The following CCDC154 variants were observed in gnomAD, a reference collection of about 807,000 sequenced individuals.
The protein encoded by CCDC154 is coiled-coil domain containing 154.
CCDC154 carries 91 observed loss-of-function variants against 87.5 expected under a neutral mutation model. That is an observed-to-expected ratio of 1.04 (90% CI 0.88 to 1.24). The LOEUF (loss-of-function observed/expected upper bound fraction) is 1.24. CCDC154 is among the 50% of genes most tolerant of loss of function. CCDC154 has a pLI of 0.00. For missense variants in CCDC154, 903 were observed against 879.2 expected (o/e 1.03, Z -0.34); for synonymous variants, 418 against 400.4 (o/e 1.04, Z -0.52).
chr16:1,434,997 C>T, intron 15 of CCDC154, 92 bp downstream of exon 15: 1 of 1,439,190 alleles, frequency 6.9e-7, no homozygotes, highest in Non-Finnish European at 9.4e-7. Context: ...GACAGACAGA[C>T]ACTGGCGCCT....
In CCDC154 at chr16:1,434,415, T is replaced by G. The variant is rs537418182; in HGVS notation, c.1997A>C (p.Gln666Pro). The change falls in exon 17 of 17, where the codon CAG becomes CCG. Residue 666 changes from glutamine (Q) to proline (P), a missense_variant. Physicochemically the swap from Gln to Pro is moderately conservative, Grantham distance 76. Transcript: ENST00000389176. ...VQQLTPSLFI[Q>P]K The stretch of plus-strand genomic sequence containing the variant: ...AGTACAAAGCCAGCACGTTTATTTC[T>G]GGATAAACAGTGAGGGTGTGAGCTG... The G allele has an allele frequency of 7.9e-5, 123 of 1,550,338 alleles. No individual in the cohort carries two copies. The African/African-American group carries it at 1.6e-3, about 20-fold the overall frequency.
chr16:1,444,129 C>T (rs1413388813), intron 1 of CCDC154, 117 bp from the exon 2 acceptor site: 2 of 1,009,972 alleles, frequency 2.0e-6, no homozygotes, highest in Non-Finnish European at 2.7e-6. Context: ...CTCAACGCGT[C>T]TCCTTGGGTC....
intron 3 of CCDC154, 96 bp from the exon 4 acceptor site, chr16:1,443,397 G>T: frequency 6.8e-7 from 1 of 1,465,942 alleles, no homozygotes. Context: ...TGGCCCCTGG[G>T]AGCTCTGGGC....
At chr16:1,442,240 T>C (rs534083795) in intron 6 of CCDC154, among the ~76,000 whole-genome samples, 166 bp downstream of exon 6, 1 of 152,360 alleles carries the variant, frequency 6.6e-6, no homozygotes, top group South Asian at 2.1e-4. Context: ...AAATGGGGCA[T>C]GTGCGGCTGA....
At position 1,443,957 on chromosome 16, in the gene CCDC154, GA is replaced by G; in HGVS notation, c.62del (p.Val21AlafsTer20). On this transcript the variant is annotated frameshift_variant, in exon 2 of 17. Coordinates refer to ENST00000389176, the MANE Select transcript of CCDC154 (RefSeq NM_001143980.3). LOFTEE classifies it high-confidence loss of function. ...GASAPSQLRA[V>X]TLEDLGLLLA... The stretch of plus-strand genomic sequence containing the variant: ...GGAGGAGCCCCAGGTCTTCCAGGGT[GA>G]CGGCTCTCAGCTGGGAAGGGGCCGA... 1 of 1,303,520 alleles carries G rather than the reference GA, an allele frequency of 7.7e-7. No homozygotes were observed. The highest frequency in any genetic ancestry group is 1.0e-6 in the Non-Finnish European group (1 of 988,940). 80.7% of individuals were successfully genotyped at this position (1,303,520 alleles called of 1,614,324 possible).
rs896998355 is a variant in CCDC154, at chr16:1,443,491, G to A, written c.414+15C>T. On this transcript the variant is annotated intron_variant, in intron 3 of 16. Transcript: ENST00000389176. ...GAAAGGGGCAGCTCGACCTGTGGGTGGGGGAGCCGCTCACCTCCGGCGCCT... is the reference window on the plus strand; with the variant it reads ...GAAAGGGGCAGCTCGACCTGTGGGTAGGGGAGCCGCTCACCTCCGGCGCCT... 3 of 1,451,636 alleles carry A rather than the reference G, an allele frequency of 2.1e-6. No individual in the cohort carries two copies. Among genetic ancestry groups the A allele is most frequent in the South Asian group, 2.9e-5 (2 of 69,648 alleles). 89.9% of individuals were successfully genotyped at this position (1,451,636 alleles called of 1,614,324 possible). A position where few individuals can be genotyped will look rare whatever the true frequency, so the allele number is the denominator to read the frequency against.
chr16:1,444,052 G>A (rs554554537), intron 1 of CCDC154, 40 bp from the exon 2 acceptor site: 21 of 1,276,478 alleles, frequency 1.6e-5, no homozygotes, highest in South Asian at 8.7e-5. Context: ...CTTGGGGCCC[G>A]GCCCCCACTG....
intron 6 of CCDC154, among the ~76,000 whole-genome samples, chr16:1,440,291 T>A (rs1702154698): frequency 6.6e-6 from 1 of 150,956 alleles, no homozygotes; most frequent in Admixed American, 6.6e-5. Context: ...CTGCTAAAAA[T>A]ACAAAAAATT....
chr16:1,440,433 G>C (rs182344928), intron 6 of CCDC154, among the ~76,000 whole-genome samples: 2 of 145,824 alleles, frequency 1.4e-5, no homozygotes, highest in African/African-American at 2.6e-5. Flanking sequence ...CTGGGCAACA[G>C]AGCGAGACTC....
At chr16:1,443,079 C>T (rs1349196249) in intron 4 of CCDC154, 104 bp from the exon 5 acceptor site, 3 of 1,439,914 alleles carry the variant, frequency 2.1e-6, no homozygotes, top group Non-Finnish European at 2.8e-6. Flanking sequence ...CCATGGCTTT[C>T]CTGGGCCTCT....
rs1208155837 is a variant in CCDC154, at chr16:1,442,533, G to C, written c.552-4C>G. 9 of 1,537,002 alleles carry C rather than the reference G, an allele frequency of 5.9e-6. No homozygotes were observed. The South Asian group carries it at 9.8e-5, about 17-fold the overall frequency. ...CAAGTCGGTCAGCTTGGCCAGTCTA[G>C]AGAAGTCGGCTGTGGTCACACCAGC... On this transcript the variant is annotated splice_region_variant and splice_polypyrimidine_tract_variant and intron_variant, in intron 5 of 16. Transcript: ENST00000389176.
At chr16:1,435,394 T>C (rs535045372) in intron 14 of CCDC154, 2 of 587,810 alleles carry the variant, frequency 3.4e-6, no homozygotes, top group Admixed American at 3.1e-5. Context: ...GGGCTCAGGG[T>C]TGTTCCGGCC....
At chr16:1,443,744 G>A (rs765843514) in intron 2 of CCDC154, 49 bp from the exon 3 acceptor site, 22 of 1,303,416 alleles carry the variant, frequency 1.7e-5, no homozygotes, top group Middle Eastern at 2.2e-4. Flanking sequence ...CCGTGGAGGC[G>A]GAGGCGGCGG....
chr16:1,435,927 T>C (rs1596202524), intron 14 of CCDC154, 42 bp downstream of exon 14: 1 of 1,488,792 alleles, frequency 6.7e-7, no homozygotes. Flanking sequence ...ACCTGATGGC[T>C]CCCCCTCTCT....
At chr16:1,436,854 G>C in intron 11 of CCDC154, 43 bp from the exon 12 acceptor site, 1 of 1,547,268 alleles carries the variant, frequency 6.5e-7, no homozygotes, top group South Asian at 1.2e-5. Flanking sequence ...CAAGAGAGGG[G>C]GGACAGACAG....
intron 10 of CCDC154, 29 bp downstream of exon 10, chr16:1,438,020 CG>C (rs1306418266): frequency 6.5e-7 from 1 of 1,541,016 alleles, no homozygotes; most frequent in Non-Finnish European, 8.8e-7. Flanking sequence ...TGGGAGACCC[CG>C]TTGGGGACAT....
At chr16:1,439,468 T>C (rs2038532378) in intron 6 of CCDC154, among the ~76,000 whole-genome samples, 1 of 126,596 alleles carries the variant, frequency 7.9e-6, no homozygotes, top group Non-Finnish European at 1.8e-5. Context: ...GGTGTCCCCA[T>C]GCACGGGGAG....
Position 1,435,982 on chromosome 16 carries a change from C to T in CCDC154, c.1592G>A (p.Gly531Asp). 1 of 1,550,138 alleles carries T rather than the reference C, an allele frequency of 6.5e-7. No homozygotes were observed. The highest frequency in any genetic ancestry group is 8.7e-7 in the Non-Finnish European group (1 of 1,146,804). Residue 531 changes from glycine (G) to aspartate (D), a missense_variant, in exon 14 of 17, where the codon GGC becomes GAC. Coordinates refer to ENST00000389176, the MANE Select transcript of CCDC154 (RefSeq NM_001143980.3). ...CCCCAGGACTACCGTGGCCAGCTTG[C>T]CCTGCATCTCCGCGATCTTCCGCCC... is the stretch of plus-strand genomic sequence containing the variant. The part of the protein sequence containing the change: ...NPGRKIAEMQ[G>D]KLATFQNQIM...
intron 14 of CCDC154, chr16:1,435,438 C>T (rs573438988): frequency 1.8e-6 from 1 of 552,620 alleles, no homozygotes; most frequent in South Asian, 2.1e-5. Context: ...GGTGTGGGGG[C>T]TCCAGGCAGG....
Sources: allele counts gnomAD v4.1 joint callset (sites outside exome capture counted in the v4.1 genomes callset), GRCh38; gene constraint gnomAD v4.1.1; transcripts MANE v1.5; gene names NCBI Gene and HGNC (gene_info 2026-07-23, HGNC 2026-07-21).